PPARGC1A: variants seen among roughly 807,000 people sequenced by gnomAD.
PPARGC1A encodes the protein peroxisome proliferator-activated receptor gamma coactivator 1-alpha.
A neutral mutation model predicts 88.7 loss-of-function variants in PPARGC1A; 25 were observed. That is an observed-to-expected ratio of 0.28 (90% CI 0.21 to 0.39). The LOEUF (loss-of-function observed/expected upper bound fraction) is 0.39. PPARGC1A is among the 10% of genes least tolerant of loss of function. PPARGC1A has a pLI of 1.00. For missense variants in PPARGC1A, 880 were observed against 968.7 expected (o/e 0.91, Z 1.22); for synonymous variants, 363 against 355.6 (o/e 1.02, Z -0.24).
At chr4:24,132,375 T>C in the PPARGC1A span, among the ~76,000 whole-genome samples, 4 of 152,094 alleles carry the variant, frequency 2.6e-5, no homozygotes, top group African/African-American at 9.7e-5. Context: ...TGCTGTAAAG[T>C]TCATTTTGAA....
At chr4:24,140,038 G>A in the PPARGC1A span, among the ~76,000 whole-genome samples, 1 of 152,190 alleles carries the variant, frequency 6.6e-6, no homozygotes, top group Non-Finnish European at 1.5e-5. Flanking sequence ...CAGGTACCAT[G>A]CCCACCATCA....
At chr4:24,439,449 C>T in the PPARGC1A span, among the ~76,000 whole-genome samples, 2 of 152,198 alleles carry the variant, frequency 1.3e-5, no homozygotes, top group Admixed American at 6.5e-5. Flanking sequence ...CTTCCATTCT[C>T]TGCACTTGCT....
chr4:24,301,147 G>C, the PPARGC1A span, among the ~76,000 whole-genome samples: 1 of 152,106 alleles, frequency 6.6e-6, no homozygotes, highest in Non-Finnish European at 1.5e-5. Flanking sequence ...AATCATGTAT[G>C]AGCCCATTAA....
At chr4:23,823,809 G>A (rs886529650) in intron 7 of PPARGC1A, among the ~76,000 whole-genome samples, 4 of 152,028 alleles carry the variant, frequency 2.6e-5, no homozygotes, top group Non-Finnish European at 5.9e-5. Context: ...TTCATAAGAA[G>A]GTAATTTAGC....
chr4:23,890,201 C>A, upstream of PPARGC1A: 29 of 559,712 alleles, frequency 5.2e-5, no homozygotes, highest in South Asian at 9.3e-5. Flanking sequence ...CCCTCTGCTT[C>A]AGTGAAGTAA....
In PPARGC1A at chr4:23,884,747, C is replaced by T. The variant is rs1260359767; in HGVS notation, c.234+5G>A. On this transcript the variant is annotated splice_donor_5th_base_variant and intron_variant, in intron 2 of 12. Transcript: ENST00000264867. ...AAAATTAATGTTTCCAAAGGATGTC[C>T]TTACCTCAAATATGTTTGAAGGCTC... 2 of 1,604,754 alleles carry T rather than the reference C, an allele frequency of 1.2e-6. No individual in the cohort carries two copies. Among genetic ancestry groups the T allele is most frequent in the East Asian group, 2.2e-5 (1 of 44,590 alleles).
the PPARGC1A span, among the ~76,000 whole-genome samples, chr4:23,916,608 G>A: frequency 1.3e-5 from 2 of 151,884 alleles, no homozygotes; most frequent in Admixed American, 6.6e-5. Flanking sequence ...CATATCTCAC[G>A]TGAGTAAATA....
the PPARGC1A span, among the ~76,000 whole-genome samples, chr4:23,913,357 C>T: frequency 1.3e-5 from 2 of 148,404 alleles, no homozygotes; most frequent in South Asian, 4.3e-4. Flanking sequence ...TATCTTCCAA[C>T]TTACTGAATT....
the PPARGC1A span, among the ~76,000 whole-genome samples, chr4:24,362,200 G>A: frequency 6.6e-6 from 1 of 152,126 alleles, no homozygotes; most frequent in African/African-American, 2.4e-5. Flanking sequence ...TCAGATACAG[G>A]CTGTGATCAT....
chr4:24,302,189 T>C, the PPARGC1A span, among the ~76,000 whole-genome samples: 4 of 152,212 alleles, frequency 2.6e-5, no homozygotes, highest in African/African-American at 9.6e-5. Context: ...AGAATAATAA[T>C]TGATGGTTAT....
chr4:24,120,190 A>T, the PPARGC1A span, among the ~76,000 whole-genome samples: 1 of 152,164 alleles, frequency 6.6e-6, no homozygotes, highest in Non-Finnish European at 1.5e-5. Context: ...CCAGTTGATA[A>T]GTGGGATCTG....
At chr4:23,941,179 G>A in the PPARGC1A span, among the ~76,000 whole-genome samples, 2 of 151,978 alleles carry the variant, frequency 1.3e-5, no homozygotes, top group African/African-American at 2.4e-5. Flanking sequence ...AGCCTCCCAC[G>A]TAGCTAGGCC....
the PPARGC1A span, among the ~76,000 whole-genome samples, chr4:24,115,536 T>C: frequency 6.6e-6 from 1 of 152,118 alleles, no homozygotes; most frequent in East Asian, 1.9e-4. Flanking sequence ...TATCCCATGT[T>C]TGGAGGGTTT....
At chr4:24,330,991 C>A in the PPARGC1A span, among the ~76,000 whole-genome samples, 3 of 152,170 alleles carry the variant, frequency 2.0e-5, no homozygotes, top group African/African-American at 7.2e-5. Context: ...ACTGATATGC[C>A]CTTCCTCCAA....
chr4:23,893,789 C>T (rs930256541), upstream of PPARGC1A, among the ~76,000 whole-genome samples: 7 of 152,084 alleles, frequency 4.6e-5, no homozygotes, highest in Non-Finnish European at 7.4e-5. Context: ...GGAATGTTTC[C>T]ATATACACTA....
the PPARGC1A span, among the ~76,000 whole-genome samples, chr4:23,929,341 A>G: frequency 6.6e-6 from 1 of 152,180 alleles, no homozygotes; most frequent in Non-Finnish European, 1.5e-5. Context: ...TGGAAAAATA[A>G]AACCCCTGAG....
At chr4:24,114,113 G>C in the PPARGC1A span, among the ~76,000 whole-genome samples, 1 of 108,006 alleles carries the variant, frequency 9.3e-6, no homozygotes, top group Non-Finnish European at 1.7e-5. Flanking sequence ...GACAGAGAGA[G>C]ACTCCATCAC....
chr4:24,003,888 A>G, the PPARGC1A span, among the ~76,000 whole-genome samples: 1 of 151,824 alleles, frequency 6.6e-6, no homozygotes, highest in Non-Finnish European at 1.5e-5. Context: ...GATTGAGATA[A>G]CACATACGAA....
the PPARGC1A span, among the ~76,000 whole-genome samples, chr4:24,175,453 C>T: frequency 2.7e-5 from 4 of 146,124 alleles, no homozygotes; most frequent in East Asian, 2.1e-4. Flanking sequence ...CAGCTCACTG[C>T]AACCTCTGAC....
Sources: allele counts gnomAD v4.1 joint callset (sites outside exome capture counted in the v4.1 genomes callset), GRCh38; gene constraint gnomAD v4.1.1; transcripts MANE v1.5; gene names NCBI Gene and HGNC (gene_info 2026-07-23, HGNC 2026-07-21).